The following SLC4A8 variants were observed in gnomAD, a reference collection of about 807,000 sequenced individuals.
SLC4A8 encodes solute carrier family 4 member 8.
A neutral mutation model predicts 125.0 loss-of-function variants in SLC4A8; 40 were observed. That is an observed-to-expected ratio of 0.32 (90% CI 0.25 to 0.42). The LOEUF (loss-of-function observed/expected upper bound fraction) is 0.42. SLC4A8 is among the 10% of genes least tolerant of loss of function. The pLI, the probability that SLC4A8 is intolerant of heterozygous loss-of-function variation, is 1.00. For synonymous variants in SLC4A8, 456 were observed against 476.0 expected, an observed-to-expected ratio of 0.96 and a Z score of 0.55; for missense variants, 863 against 1,355.1, an observed-to-expected ratio of 0.64 and a Z score of 5.70.
intron 1 of SLC4A8, among the ~76,000 whole-genome samples, chr12:51,429,518 T>G (rs1460718233): frequency 6.6e-6 from 1 of 151,972 alleles, no homozygotes; most frequent in Non-Finnish European, 1.5e-5. Context: ...TTTATTTATT[T>G]TTGAGACAGG....
chr12:51,464,813 A>G (rs1950462425), intron 11 of SLC4A8, among the ~76,000 whole-genome samples: 1 of 152,188 alleles, frequency 6.6e-6, no homozygotes, highest in Admixed American at 6.5e-5. Context: ...TGTGGAAAGC[A>G]TTTTATTTTT....
intron 6 of SLC4A8, among the ~76,000 whole-genome samples, chr12:51,457,874 A>T (rs911952923): frequency 6.6e-6 from 1 of 152,178 alleles, no homozygotes; most frequent in Non-Finnish European, 1.5e-5. Context: ...GCAAACAAAT[A>T]TCTTAGATTA....
intron 1 of SLC4A8, among the ~76,000 whole-genome samples, chr12:51,428,660 A>G (rs11169840): frequency 0.073 from 11,188 of 152,238 alleles, 511 homozygotes; most frequent in East Asian, 0.22. Flanking sequence ...CCTACCAAGT[A>G]CTATCTTCCG....
At chr12:51,414,499 C>T (rs750206323) in intron 1 of SLC4A8, among the ~76,000 whole-genome samples, 5 of 152,102 alleles carry the variant, frequency 3.3e-5, no homozygotes, top group Non-Finnish European at 7.3e-5. Flanking sequence ...ACATGTAATC[C>T]TGGCATTTTG....
rs1187291645 is a variant in SLC4A8 at position 51,416,215 on chromosome 12, T to TTG, written c.-111-24492_-111-24491insGT. Among the ~76,000 whole-genome samples the TTG allele has an allele frequency of 3.6e-3, 515 of 144,418 alleles. 2 individuals carry two copies. The highest frequency in any genetic ancestry group is 0.012 in the African/African-American group (462 of 39,162). The allele number at this position is 144,418 out of a possible 152,430, so 94.7% of individuals were successfully genotyped here. On this transcript the variant is annotated intron_variant, in intron 1 of 24. Coordinates refer to the SLC4A8 transcript ENST00000358657. The stretch of plus-strand genomic sequence containing the variant: ...CCTGTTTGATGGAGGTCTTTTGTTT[T>TTG]TTTTTTTTTTTTTTTTTGAGAATTT...
intron 1 of SLC4A8, among the ~76,000 whole-genome samples, chr12:51,432,278 G>T (rs901833608): frequency 1.3e-5 from 2 of 151,750 alleles, no homozygotes; most frequent in Non-Finnish European, 2.9e-5. Flanking sequence ...GGGTGTGGTG[G>T]CGGGCGCCTG....
chr12:51,421,639 T>C (rs536522212), upstream of SLC4A8, among the ~76,000 whole-genome samples: 10 of 152,310 alleles, frequency 6.6e-5, no homozygotes, highest in African/African-American at 2.4e-4. Flanking sequence ...GTGGGGGATG[T>C]GGGCACATCT....
chr12:51,422,286 C>A (rs530995289), upstream of SLC4A8: 1 of 152,226 alleles, frequency 6.6e-6, no homozygotes, highest in South Asian at 2.1e-4. Context: ...AAGCCTTCAG[C>A]GTCCTGCTTT....
Position 51,424,987 on chromosome 12 carries a change from C to A in SLC4A8, c.-1C>A, listed in dbSNP as rs1344427866. On this transcript the variant is annotated 5_prime_UTR_variant, in exon 1 of 25. Transcript: ENST00000453097. ...TGGGGGAGACCTAGTTCGGCTCCGCCATGCCGGCCGCCGGGAGTAACGAGC... is the reference window on the plus strand; with the variant it reads ...TGGGGGAGACCTAGTTCGGCTCCGCAATGCCGGCCGCCGGGAGTAACGAGC... The A allele has an allele frequency of 6.4e-7, 1 of 1,554,050 alleles. No homozygotes were observed. Among genetic ancestry groups the A allele is most frequent in the South Asian group, 1.2e-5 (1 of 84,270 alleles).
chr12:51,404,974 C>T (rs1023360001), intron 1 of SLC4A8, among the ~76,000 whole-genome samples: 6 of 152,056 alleles, frequency 3.9e-5, no homozygotes, highest in African/African-American at 9.7e-5. Context: ...GCTATAAGGG[C>T]GTGAAAAGGC....
intron 11 of SLC4A8, among the ~76,000 whole-genome samples, chr12:51,467,129 G>A (rs1950544153): frequency 6.6e-6 from 1 of 152,178 alleles, no homozygotes; most frequent in South Asian, 2.1e-4. Flanking sequence ...TCTTGCCCCA[G>A]ATAAATTATT....
At chr12:51,447,068 G>GTATCTA (rs1949796051) in intron 2 of SLC4A8, among the ~76,000 whole-genome samples, 1 of 149,394 alleles carries the variant, frequency 6.7e-6, no homozygotes, top group Non-Finnish European at 1.5e-5. Flanking sequence ...CTATCTATCT[G>GTATCTA]TCTATCTATC....
chr12:51,395,882 T>C (rs1948251021), intron 1 of SLC4A8, among the ~76,000 whole-genome samples: 1 of 152,120 alleles, frequency 6.6e-6, no homozygotes, highest in Non-Finnish European at 1.5e-5. Context: ...AGTGTGAGAG[T>C]TGGGTCTTCT....
At chr12:51,504,799 C>T (rs928622529) in intron 23 of SLC4A8, among the ~76,000 whole-genome samples, 1 of 152,328 alleles carries the variant, frequency 6.6e-6, no homozygotes, top group African/African-American at 2.4e-5. Flanking sequence ...TAGCCCCTTT[C>T]TCTATCAAAC....
At chr12:51,483,895 C>G (rs915145383) in intron 16 of SLC4A8, among the ~76,000 whole-genome samples, 6 of 152,130 alleles carry the variant, frequency 3.9e-5, no homozygotes, top group Admixed American at 6.5e-5. Context: ...CTGCTCCCCC[C>G]ACCCCACAAC....
rs755318542 is a variant in SLC4A8, at chr12:51,510,823, G to A, written c.*3385G>A. On this transcript the variant is annotated 3_prime_UTR_variant, in exon 25 of 25. Coordinates refer to ENST00000453097, the MANE Select transcript of SLC4A8 (RefSeq NM_001039960.3). ...GGGCATGGGTGATTTTGTCTAGTCT[G>A]GTCCTTTTGGACGTGGTGATTTCCT... is the stretch of plus-strand genomic sequence containing the variant. 1 of 152,294 alleles carries A rather than the reference G, an allele frequency of 6.6e-6. No homozygotes were observed. The highest frequency in any genetic ancestry group is 1.5e-5 in the Non-Finnish European group (1 of 68,044). The allele number at this position is 152,294 out of a possible 1,614,324, so 9.4% of individuals were successfully genotyped here.
intron 22 of SLC4A8, among the ~76,000 whole-genome samples, chr12:51,498,621 C>A (rs1446927062): frequency 6.7e-6 from 1 of 149,808 alleles, no homozygotes; most frequent in African/African-American, 2.5e-5. Flanking sequence ...TGGCTCATGC[C>A]TATAATCCCA....
rs188233113 is a variant in SLC4A8 at position 51,488,139 on chromosome 12, C to T, written c.2287-560C>T. The stretch of plus-strand genomic sequence containing the variant: ...AAGATTGACTGTTTCAAAGGGGATT[C>T]GGAACTATTACTGAGCAAAAGGGGC... On this transcript the variant is annotated intron_variant, in intron 17 of 24. Coordinates refer to ENST00000453097, the MANE Select transcript of SLC4A8 (RefSeq NM_001039960.3). Among the ~76,000 whole-genome samples the T allele has an allele frequency of 2.2e-3, 341 of 152,302 alleles. 2 individuals carry two copies. Among genetic ancestry groups the T allele is most frequent in the African/African-American group, 7.9e-3 (328 of 41,562 alleles).
chr12:51,488,654 A>G (rs1232588125), intron 17 of SLC4A8, 45 bp from the exon 18 acceptor site: 1 of 1,513,954 alleles, frequency 6.6e-7, no homozygotes, highest in Non-Finnish European at 9.1e-7. Context: ...TTTTACCCCA[A>G]TGACTATAAC....
Sources: allele counts gnomAD v4.1 joint callset (sites outside exome capture counted in the v4.1 genomes callset), GRCh38; gene constraint gnomAD v4.1.1; transcripts MANE v1.5; gene names NCBI Gene and HGNC (gene_info 2026-07-23, HGNC 2026-07-21).